ME1: variants seen among roughly 807,000 people sequenced by gnomAD.
ME1 encodes the protein NADP-dependent malic enzyme.
A neutral mutation model predicts 66.4 loss-of-function variants in ME1; 74 were observed. That is an observed-to-expected ratio of 1.11 (90% CI 0.92 to 1.35). ME1 has a LOEUF of 1.35. ME1 is among the 40% of genes most tolerant of loss of function. The pLI is 0.00. For synonymous variants in ME1, 251 were observed against 235.6 expected, an observed-to-expected ratio of 1.07 and a Z score of -0.60; for missense variants, 750 against 694.1, an observed-to-expected ratio of 1.08 and a Z score of -0.90.
intron 3 of ME1, among the ~76,000 whole-genome samples, chr6:83,372,001 G>A (rs925984574): frequency 2.6e-5 from 4 of 152,070 alleles, no homozygotes; most frequent in East Asian, 3.9e-4. Flanking sequence ...TGTTTATCAC[G>A]CAATATTATA....
At chr6:83,294,290 A>T (rs953189318) in intron 6 of ME1, among the ~76,000 whole-genome samples, 10 of 152,194 alleles carry the variant, frequency 6.6e-5, no homozygotes. Flanking sequence ...AATTAATTTC[A>T]AGTAATCATC....
At position 83,220,246 on chromosome 6, in the gene ME1, T is replaced by A. The variant is rs549366717; in HGVS notation, c.1449+3514A>T. Among the ~76,000 whole-genome samples, 22 of 152,178 alleles carry A rather than the reference T, an allele frequency of 1.4e-4. No individual in the cohort carries two copies. The South Asian group carries it at 4.6e-3, about 32-fold the overall frequency. On this transcript the variant is annotated intron_variant, in intron 12 of 13. Coordinates refer to ENST00000369705, the MANE Select transcript of ME1 (RefSeq NM_002395.6). ...CTGTCCATGATGATTATCTAAAGGG[T>A]CCTCTGAGCAGATATCAGAAAGGAG...
At chr6:83,277,901 AAATAATAAT>A (rs3837004) in intron 6 of ME1, among the ~76,000 whole-genome samples, 19 of 144,098 alleles carry the variant, frequency 1.3e-4, no homozygotes, top group Non-Finnish European at 2.1e-4. Context: ...CTGTATCTCA[AAATAATAAT>A]AATAATAATA....
At chr6:83,333,658 T>C (rs1768461315) in intron 5 of ME1, among the ~76,000 whole-genome samples, 2 of 152,216 alleles carry the variant, frequency 1.3e-5, no homozygotes, top group Admixed American at 6.5e-5. Context: ...CATTTCTATC[T>C]ATTTTAAGCA....
At chr6:83,328,117 CATGGAATACTATGTAGCCAT>C (rs1468646158) in intron 5 of ME1, among the ~76,000 whole-genome samples, 1 of 152,122 alleles carries the variant, frequency 6.6e-6, no homozygotes, top group African/African-American at 2.4e-5. Context: ...ACATATACAC[CATGGAATACTATGTAGCCAT>C]ATAAAAGAAT....
At chr6:83,352,166 G>A (rs759588337) in intron 3 of ME1, 27 bp from the exon 4 acceptor site, 9 of 1,294,608 alleles carry the variant, frequency 7.0e-6, no homozygotes, top group Non-Finnish European at 9.4e-6. Flanking sequence ...AAAAAAAGGA[G>A]TAGTTTACAT....
At chr6:83,341,903 T>G (rs574418936) in intron 5 of ME1, among the ~76,000 whole-genome samples, 77 of 152,172 alleles carry the variant, frequency 5.1e-4, no homozygotes, top group African/African-American at 1.7e-3. Flanking sequence ...TGCATAGGAG[T>G]GTAACTTTGT....
At chr6:83,315,878 CAGA>C (rs1271817679) in intron 5 of ME1, among the ~76,000 whole-genome samples, 2 of 151,936 alleles carry the variant, frequency 1.3e-5, no homozygotes, top group African/African-American at 2.4e-5. Context: ...GCCTGGGCAA[CAGA>C]AGGAGACTCT....
chr6:83,223,613 A>C (rs1285491953), intron 12 of ME1, 147 bp downstream of exon 12: 1 of 655,772 alleles, frequency 1.5e-6, no homozygotes, highest in Non-Finnish European at 2.5e-6. Context: ...CATGCTACCC[A>C]CCCCTTATAC....
chr6:83,363,260 C>T (rs1315015962), intron 3 of ME1, among the ~76,000 whole-genome samples: 2 of 152,110 alleles, frequency 1.3e-5, no homozygotes, highest in Admixed American at 1.3e-4. Context: ...GACACAACAA[C>T]GATTCCATTA....
chr6:83,355,524 A>C (rs558143679), intron 3 of ME1, among the ~76,000 whole-genome samples: 2 of 152,294 alleles, frequency 1.3e-5, no homozygotes, highest in South Asian at 4.1e-4. Flanking sequence ...GCCACCTGTA[A>C]TCTCTTGCAC....
intron 6 of ME1, among the ~76,000 whole-genome samples, chr6:83,285,401 G>A (rs1767377482): frequency 6.6e-6 from 1 of 152,086 alleles, no homozygotes; most frequent in Non-Finnish European, 1.5e-5. Context: ...GATATTGCAG[G>A]AAACAAAATA....
intron 3 of ME1, among the ~76,000 whole-genome samples, chr6:83,356,256 A>G (rs567518087): frequency 2.2e-4 from 34 of 152,256 alleles, no homozygotes; most frequent in South Asian, 2.1e-3. Context: ...CTGTTCCATT[A>G]CAGAAGCCAA....
intron 3 of ME1, among the ~76,000 whole-genome samples, chr6:83,369,743 C>G (rs997542350): frequency 6.6e-6 from 1 of 150,880 alleles, no homozygotes; most frequent in Non-Finnish European, 1.5e-5. Flanking sequence ...GAAATCCAAT[C>G]CATAGAAAAC....
intron 1 of ME1, among the ~76,000 whole-genome samples, chr6:83,428,029 A>C (rs1276679249): frequency 6.6e-6 from 1 of 152,048 alleles, no homozygotes; most frequent in Non-Finnish European, 1.5e-5. Context: ...AAAAAAGGAA[A>C]ATAAAAAGAC....
chr6:83,275,741 C>G (rs367623984), intron 6 of ME1, among the ~76,000 whole-genome samples: 1 of 120,766 alleles, frequency 8.3e-6, no homozygotes, highest in South Asian at 2.8e-4. Context: ...CTGGGATTAC[C>G]GGTGTGAGCC....
intron 3 of ME1, among the ~76,000 whole-genome samples, chr6:83,357,902 C>CCACTCTCTCT (rs1554270311): frequency 3.2e-5 from 1 of 31,562 alleles, no homozygotes; most frequent in African/African-American, 1.4e-4. Context: ...AATAAACTCC[C>CCACTCTCTCT]CTCTCTCTCT....
chr6:83,299,380 G>A (rs1767669575), intron 6 of ME1, among the ~76,000 whole-genome samples: 1 of 152,032 alleles, frequency 6.6e-6, no homozygotes, highest in Non-Finnish European at 1.5e-5. Flanking sequence ...GCAAATGGGA[G>A]TTCATTCATG....
In ME1 at chr6:83,243,873, C is replaced by A. The variant is rs567181867; in HGVS notation, c.815-4237G>T. Among the ~76,000 whole-genome samples, 463 of 112,848 alleles carry A rather than the reference C, an allele frequency of 4.1e-3. 2 individuals carry two copies. Among genetic ancestry groups the A allele is most frequent in the Middle Eastern group, 5.7e-3 (1 of 174 alleles). 74.0% of individuals were successfully genotyped at this position (112,848 alleles called of 152,430 possible). A position where few individuals can be genotyped will look rare whatever the true frequency, so the allele number is the denominator to read the frequency against. ...TATATAATTATATATAACTCTCTCT[C>A]TATATGTGTGTGTGTATATATATAT... On this transcript the variant is annotated intron_variant, in intron 7 of 13. Coordinates refer to ENST00000369705, the MANE Select transcript of ME1 (RefSeq NM_002395.6).
Sources: gnomAD v4.1 joint callset for allele counts (sites outside exome capture counted in the v4.1 genomes callset) on GRCh38, gnomAD v4.1.1 for gene constraint, MANE v1.5 for transcripts, NCBI Gene and HGNC (gene_info 2026-07-23, HGNC 2026-07-21) for gene names.